KCNAB1: variants seen among roughly 807,000 people sequenced by gnomAD.
KCNAB1 encodes potassium voltage-gated channel subfamily A regulatory beta subunit 1, also known as voltage-gated potassium channel subunit beta-1.
A neutral mutation model predicts 64.6 loss-of-function variants in KCNAB1; 35 were observed. That is an observed-to-expected ratio of 0.54 (90% CI 0.41 to 0.72). The LOEUF is 0.72. Ranked by LOEUF, KCNAB1 falls within the 30% of genes least tolerant of loss-of-function variation. The probability of loss-of-function intolerance (pLI) is 0.00; values close to 1 mark genes in which losing one functional copy is unlikely to be tolerated. For synonymous variants in KCNAB1, 177 were observed against 183.8 expected (o/e 0.96, Z 0.30); for missense variants, 401 against 512.9 (o/e 0.78, Z 2.11).
Position 156,463,762 on chromosome 3 carries a change from T to C in KCNAB1, c.527+16T>C. On this transcript the variant is annotated intron_variant, in intron 6 of 13. Transcript: ENST00000490337. ...GGGGTGGAAAGTAAGTTATTTTTCC[T>C]ACTAAACAGAAAACAACTAGTAGTT... 1 of 1,594,846 alleles carries C rather than the reference T, an allele frequency of 6.3e-7. No homozygotes were observed.
chr3:156,536,626 A>C (rs1719074180), intron 13 of KCNAB1, 32 bp from the exon 14 acceptor site: 1 of 1,436,766 alleles, frequency 7.0e-7, no homozygotes, highest in African/African-American at 1.4e-5. Context: ...CACTGCTAAC[A>C]ATATCCTTTG....
intron 1 of KCNAB1, among the ~76,000 whole-genome samples, chr3:156,411,899 G>T (rs75127045): frequency 8.7e-4 from 132 of 152,104 alleles, no homozygotes; most frequent in African/African-American, 3.0e-3. Flanking sequence ...TAATCACTTT[G>T]TTGCTGTCTA....
intron 1 of KCNAB1, among the ~76,000 whole-genome samples, chr3:156,138,356 C>T (rs1714495419): frequency 6.6e-6 from 1 of 152,262 alleles, no homozygotes; most frequent in South Asian, 2.1e-4. Context: ...AGTGTGGTGT[C>T]CCTTGTCCAA....
chr3:156,504,259 T>G (rs1559919276), intron 8 of KCNAB1, among the ~76,000 whole-genome samples: 3 of 152,228 alleles, frequency 2.0e-5, no homozygotes, highest in Admixed American at 1.3e-4. Flanking sequence ...TTTTTAGGGC[T>G]GAATAATATT....
At chr3:156,503,309 G>T (rs1437960664) in intron 8 of KCNAB1, among the ~76,000 whole-genome samples, 2 of 152,212 alleles carry the variant, frequency 1.3e-5, no homozygotes, top group African/African-American at 4.8e-5. Flanking sequence ...ACTGGGGGTG[G>T]TGATAAAAGA....
intron 1 of KCNAB1, among the ~76,000 whole-genome samples, chr3:156,207,176 T>C (rs73012225): frequency 0.015 from 2,287 of 152,290 alleles, 73 homozygotes; most frequent in African/African-American, 0.053. Context: ...GCCTTATCAT[T>C]TGGTTTGGCC....
At chr3:156,160,918 A>G (rs1369924204) in intron 1 of KCNAB1, among the ~76,000 whole-genome samples, 6 of 152,248 alleles carry the variant, frequency 3.9e-5, no homozygotes, top group Non-Finnish European at 5.9e-5. Flanking sequence ...GCAGAAGGGC[A>G]GAACTCTGCA....
At chr3:156,444,505 C>T (rs1341019859) in intron 2 of KCNAB1, among the ~76,000 whole-genome samples, 1 of 152,204 alleles carries the variant, frequency 6.6e-6, no homozygotes, top group Non-Finnish European at 1.5e-5. Flanking sequence ...ATTACCATTA[C>T]CATCCCATCT....
At chr3:156,339,149 GA>G (rs1723929749) in intron 1 of KCNAB1, among the ~76,000 whole-genome samples, 1 of 152,138 alleles carries the variant, frequency 6.6e-6, no homozygotes, top group Non-Finnish European at 1.5e-5. Flanking sequence ...AAATGATTGT[GA>G]AGTTTCCCCC....
At chr3:156,277,090 G>A (rs1304408751) in intron 1 of KCNAB1, among the ~76,000 whole-genome samples, 1 of 152,070 alleles carries the variant, frequency 6.6e-6, no homozygotes, top group Non-Finnish European at 1.5e-5. Context: ...AATTAATTGG[G>A]TTGATTTCAA....
chr3:156,132,226 G>T (rs1714037594), intron 1 of KCNAB1, among the ~76,000 whole-genome samples: 1 of 152,138 alleles, frequency 6.6e-6, no homozygotes, highest in Admixed American at 6.5e-5. Context: ...CCCTTGACCT[G>T]ACCTTTCCTG....
chr3:156,143,579 T>TGG (rs1235791035), intron 1 of KCNAB1, among the ~76,000 whole-genome samples: 1 of 146,252 alleles, frequency 6.8e-6, no homozygotes, highest in Non-Finnish European at 1.5e-5. Flanking sequence ...GTTTTTTTTT[T>TGG]TTTTTTTTTT....
chr3:156,233,024 GA>G (rs1716625271), intron 1 of KCNAB1, among the ~76,000 whole-genome samples: 1 of 152,108 alleles, frequency 6.6e-6, no homozygotes, highest in Admixed American at 6.5e-5. Flanking sequence ...ATGCCTGGCA[GA>G]AGTATGAAAT....
chr3:156,337,442 T>C (rs886847650), intron 1 of KCNAB1, among the ~76,000 whole-genome samples: 1 of 152,170 alleles, frequency 6.6e-6, no homozygotes, highest in Non-Finnish European at 1.5e-5. Context: ...TATTCTCTCA[T>C]CCTTCCCTTT....
At chr3:156,439,744 C>T (rs535539063) in intron 2 of KCNAB1, among the ~76,000 whole-genome samples, 4 of 152,224 alleles carry the variant, frequency 2.6e-5, no homozygotes, top group Non-Finnish European at 4.4e-5. Context: ...ACATTTCCCT[C>T]GTTTCCCACA....
At chr3:156,143,260 T>C in intron 1 of KCNAB1, 1 of 1,613,914 alleles carries the variant, frequency 6.2e-7, no homozygotes, top group Non-Finnish European at 8.5e-7. Flanking sequence ...GGCTCTAAAA[T>C]GTAGATGGCA....
At chr3:156,526,215 G>A (rs1460939371) in intron 12 of KCNAB1, among the ~76,000 whole-genome samples, 1 of 152,210 alleles carries the variant, frequency 6.6e-6, no homozygotes, top group Non-Finnish European at 1.5e-5. Context: ...TAGATGTGCA[G>A]TAGGCTATAC....
chr3:156,160,026 A>G (rs578103385), intron 1 of KCNAB1, among the ~76,000 whole-genome samples: 1 of 152,370 alleles, frequency 6.6e-6, no homozygotes, highest in East Asian at 1.9e-4. Context: ...CACAGTCATA[A>G]CATAGTAGAG....
At chr3:156,252,343 T>C (rs1717879714) in intron 1 of KCNAB1, among the ~76,000 whole-genome samples, 1 of 152,262 alleles carries the variant, frequency 6.6e-6, no homozygotes, top group Non-Finnish European at 1.5e-5. Flanking sequence ...CCCTGTTTGC[T>C]GGCTGAGAGG....
Sources: allele counts gnomAD v4.1 joint callset (sites outside exome capture counted in the v4.1 genomes callset), GRCh38; gene constraint gnomAD v4.1.1; transcripts MANE v1.5; gene names NCBI Gene and HGNC (gene_info 2026-07-23, HGNC 2026-07-21).